The following NLGN1 variants were observed in gnomAD, a reference collection of about 807,000 sequenced individuals.
NLGN1 encodes the protein neuroligin 1, also known as neuroligin-1.
In NLGN1, 12 loss-of-function variants were observed where a neutral mutation model predicts 65.5. The observed-to-expected ratio is 0.18, with a 90% CI of 0.12 to 0.30. The LOEUF (loss-of-function observed/expected upper bound fraction) is 0.30. Among genes scored for constraint, NLGN1 ranks in the 10% least tolerant of loss-of-function variants. The pLI is 1.00. For synonymous variants in NLGN1, 350 were observed against 359.5 expected, an observed-to-expected ratio of 0.97 and a Z score of 0.30; for missense variants, 750 against 1,007.1, an observed-to-expected ratio of 0.74 and a Z score of 3.46.
In NLGN1 at chr3:174,210,649, C is replaced by T. The variant is rs528053523; in HGVS notation, c.647-64666C>T. 5.9e-5 allele frequency among the ~76,000 whole-genome samples: 9 copies of T among 152,324 alleles called. No individual in the cohort carries two copies. In the East Asian group the frequency reaches 1.7e-3, roughly 29 times the overall value. ...CAGAGATAGCTCCAAAGTCTTTCTA[C>T]TGTTTTTCTTCTCCCTACCAGCTCT... On this transcript the variant is annotated intron_variant, in intron 4 of 6. Transcript: ENST00000457714.
At chr3:173,399,146 A>G (rs1717185669) in intron 1 of NLGN1, among the ~76,000 whole-genome samples, 1 of 152,242 alleles carries the variant, frequency 6.6e-6, no homozygotes. Context: ...GTCTACTTGC[A>G]CTGCAGAGTG....
At chr3:173,636,572 G>A (rs1577664746) in intron 3 of NLGN1, among the ~76,000 whole-genome samples, 2 of 151,478 alleles carry the variant, frequency 1.3e-5, no homozygotes, top group Non-Finnish European at 2.9e-5. Flanking sequence ...TCTTCAGACT[G>A]GAATATTCTT....
chr3:173,862,322 C>T (rs889855903), intron 4 of NLGN1, among the ~76,000 whole-genome samples: 1 of 150,738 alleles, frequency 6.6e-6, no homozygotes, highest in African/African-American at 2.4e-5. Flanking sequence ...CCGGCTAAAA[C>T]GGTGAAACCC....
intron 3 of NLGN1, among the ~76,000 whole-genome samples, chr3:173,711,999 CT>C (rs1323131006): frequency 1.3e-5 from 2 of 152,170 alleles, no homozygotes; most frequent in African/African-American, 4.8e-5. Context: ...TGTAATTTTA[CT>C]TTTGAACCTG....
At chr3:173,739,914 AAAGCTT>A (rs1201774538) in intron 3 of NLGN1, among the ~76,000 whole-genome samples, 1 of 152,156 alleles carries the variant, frequency 6.6e-6, no homozygotes, top group African/African-American at 2.4e-5. Flanking sequence ...TGGACTGGAA[AAAGCTT>A]AACAGATTGC....
At chr3:174,059,474 G>A (rs918148939) in intron 4 of NLGN1, among the ~76,000 whole-genome samples, 1 of 152,100 alleles carries the variant, frequency 6.6e-6, no homozygotes, top group South Asian at 2.1e-4. Flanking sequence ...ATTAGAGGAT[G>A]AGATATAAAA....
chr3:173,557,751 C>A (rs1025840102), intron 2 of NLGN1, among the ~76,000 whole-genome samples: 2 of 152,028 alleles, frequency 1.3e-5, no homozygotes, highest in Non-Finnish European at 2.9e-5. Flanking sequence ...ATGTTAGTAA[C>A]CCCATGATGC....
intron 4 of NLGN1, among the ~76,000 whole-genome samples, chr3:174,111,818 A>G (rs1561068813): frequency 6.6e-6 from 1 of 152,006 alleles, no homozygotes; most frequent in East Asian, 1.9e-4. Flanking sequence ...TGAAAACTAA[A>G]TAAATGAGAG....
intron 2 of NLGN1, among the ~76,000 whole-genome samples, chr3:173,519,738 A>T (rs1734448391): frequency 6.6e-6 from 1 of 151,446 alleles, no homozygotes; most frequent in Admixed American, 6.6e-5. Context: ...CACCCTTTTA[A>T]GTGACTTTCC....
intron 4 of NLGN1, among the ~76,000 whole-genome samples, chr3:174,016,140 C>G (rs571721390): frequency 6.6e-5 from 10 of 152,262 alleles, no homozygotes; most frequent in South Asian, 2.1e-4. Flanking sequence ...TAATAACTAA[C>G]AACTGTATAG....
At position 174,279,289 on chromosome 3, in the gene NLGN1, G is replaced by C; in HGVS notation, c.1288G>C (p.Asp430His). 1.2e-6 allele frequency: 2 copies of C among 1,613,376 alleles called. No homozygotes were observed. Among genetic ancestry groups the C allele is most frequent in the Non-Finnish European group, 1.7e-6 (2 of 1,179,564 alleles). The stretch of plus-strand genomic sequence containing the variant: ...TTTATATGGATATCCTGAAGGCAAA[G>C]ATGTTTTGAGAGAAACCATTAAGTT... The change falls in exon 6 of 7, where the codon GAT becomes CAT. Residue 430 changes from aspartate (D) to histidine (H), a missense_variant. By Grantham distance (81) the Asp-to-His change is moderately conservative. Coordinates refer to ENST00000457714, the Ensembl canonical transcript of NLGN1. The surrounding 1 kb of genome is among the most constrained non-coding windows in gnomAD (Gnocchi z 4.7).
chr3:174,216,639 A>G (rs1351433739), intron 4 of NLGN1, among the ~76,000 whole-genome samples: 1 of 152,108 alleles, frequency 6.6e-6, no homozygotes, highest in Non-Finnish European at 1.5e-5. Flanking sequence ...TAGACTCTCA[A>G]CCAATAACTA....
chr3:174,150,176 C>A (rs181735942), intron 4 of NLGN1, among the ~76,000 whole-genome samples: 14 of 152,178 alleles, frequency 9.2e-5, no homozygotes, highest in Admixed American at 1.3e-4. Context: ...TTAGTTATTT[C>A]TCTAAAATAT....
chr3:174,245,945 TTCGATAGAA>T (rs1743698178), intron 4 of NLGN1, among the ~76,000 whole-genome samples: 1 of 152,218 alleles, frequency 6.6e-6, no homozygotes, highest in South Asian at 2.1e-4. Flanking sequence ...TTTCTCTAGC[TTCGATAGAA>T]TTGTACCCAT....
intron 4 of NLGN1, among the ~76,000 whole-genome samples, chr3:173,995,640 G>GTTT: frequency 7.2e-6 from 1 of 138,328 alleles, no homozygotes. Context: ...GACTTTTTTT[G>GTTT]TTTTTTTTTT....
intron 2 of NLGN1, among the ~76,000 whole-genome samples, chr3:173,458,271 T>A (rs1315320020): frequency 6.6e-6 from 1 of 150,966 alleles, no homozygotes; most frequent in Non-Finnish European, 1.5e-5. Flanking sequence ...TGCTTTGTTT[T>A]GTTTTGTTTT....
intron 4 of NLGN1, among the ~76,000 whole-genome samples, chr3:174,239,907 T>C (rs1029109076): frequency 2.0e-5 from 3 of 152,174 alleles, no homozygotes; most frequent in South Asian, 4.1e-4. Flanking sequence ...TTAAAAATAT[T>C]ATCCAGCAAA....
chr3:173,752,421 C>T (rs1776433971), intron 3 of NLGN1, among the ~76,000 whole-genome samples: 1 of 152,012 alleles, frequency 6.6e-6, no homozygotes, highest in Non-Finnish European at 1.5e-5. Flanking sequence ...AAGGATTCCC[C>T]TCTCTAACCA....
intron 2 of NLGN1, among the ~76,000 whole-genome samples, chr3:173,476,454 G>A (rs1726231948): frequency 6.6e-6 from 1 of 152,054 alleles, no homozygotes; most frequent in African/African-American, 2.4e-5. Flanking sequence ...AAAAATTGTG[G>A]CCTTTTTTGG....
Sources: gnomAD v4.1 joint callset for allele counts (sites outside exome capture counted in the v4.1 genomes callset) on GRCh38, gnomAD v4.1.1 for gene constraint, Gnocchi (gnomAD v3.1) non-coding constraint, MANE v1.5 for transcripts, NCBI Gene and HGNC (gene_info 2026-07-23, HGNC 2026-07-21) for gene names.